Variants in EPHB2 observed in about 807,000 individuals in gnomAD.
EPHB2 encodes ephrin type-B receptor 2.
EPHB2 carries 18 observed loss-of-function variants against 96.4 expected under a neutral mutation model. That is an observed-to-expected ratio of 0.19 (90% CI 0.13 to 0.28). The LOEUF (loss-of-function observed/expected upper bound fraction) is 0.28. Ranked by LOEUF, EPHB2 falls within the 10% of genes least tolerant of loss-of-function variation. The pLI, the probability that EPHB2 is intolerant of heterozygous loss-of-function variation, is 1.00. For synonymous variants in EPHB2, 506 were observed against 534.1 expected, an observed-to-expected ratio of 0.95 and a Z score of 0.72; for missense variants, 989 against 1,355.4, an observed-to-expected ratio of 0.73 and a Z score of 4.25.
intron 3 of EPHB2, among the ~76,000 whole-genome samples, chr1:22,826,677 C>T (rs1283922561): frequency 2.0e-5 from 3 of 149,458 alleles, no homozygotes; most frequent in Non-Finnish European, 3.0e-5. Flanking sequence ...CTCTTCCAGC[C>T]GTGCTGGAGC....
At chr1:22,849,794 T>A (rs1645597771) in intron 3 of EPHB2, among the ~76,000 whole-genome samples, 1 of 152,228 alleles carries the variant, frequency 6.6e-6, no homozygotes, top group Non-Finnish European at 1.5e-5. Context: ...GAATCTCTCT[T>A]GCTCTGTCAC....
intron 1 of EPHB2, among the ~76,000 whole-genome samples, chr1:22,725,381 G>C (rs1012531871): frequency 5.0e-4 from 76 of 152,288 alleles, no homozygotes; most frequent in African/African-American, 1.8e-3. Flanking sequence ...ATAGGTAACA[G>C]GTTGGTTTCA....
chr1:22,717,947 T>C (rs1395106694), intron 1 of EPHB2, among the ~76,000 whole-genome samples: 1 of 152,154 alleles, frequency 6.6e-6, no homozygotes, highest in Non-Finnish European at 1.5e-5. Context: ...TGTTCCTAGC[T>C]CTTGAGATGG....
rs142485118 is a variant in EPHB2 at position 22,788,889 on chromosome 1, G to A, written c.811+3813G>A. Among the ~76,000 whole-genome samples the A allele has an allele frequency of 4.5e-3, 683 of 152,024 alleles. 5 individuals carry two copies. The highest frequency in any genetic ancestry group is 0.016 in the African/African-American group (656 of 41,460). On this transcript the variant is annotated intron_variant, in intron 3 of 15. Coordinates refer to ENST00000374630, the MANE Select transcript of EPHB2 (RefSeq NM_017449.5). ...TGTGCCTCAGCCTCCTGAGTAGCTG[G>A]GATTACAGGCGTGCACCATCATGCC...
chr1:22,878,053 G>C (rs1340284596), intron 5 of EPHB2, among the ~76,000 whole-genome samples: 1 of 152,254 alleles, frequency 6.6e-6, no homozygotes, highest in African/African-American at 2.4e-5. Context: ...ACTCCAGAGA[G>C]AGGTGTGAAC....
At chr1:22,711,358 A>AGCCGCCTCGCGCC (rs1360549200) in intron 1 of EPHB2, among the ~76,000 whole-genome samples, 16 of 147,584 alleles carry the variant, frequency 1.1e-4, no homozygotes, top group Non-Finnish European at 1.7e-4. Flanking sequence ...CGGCTCGGGC[A>AGCCGCCTCGCGCC]GCCGCCTCGC....
intron 1 of EPHB2, among the ~76,000 whole-genome samples, chr1:22,765,818 T>C (rs1644300527): frequency 6.6e-6 from 1 of 152,004 alleles, no homozygotes. Context: ...CTTCACAACC[T>C]TTGTGGGACT....
At chr1:22,902,490 A>G (rs1440727160) in intron 9 of EPHB2, among the ~76,000 whole-genome samples, 3 of 152,234 alleles carry the variant, frequency 2.0e-5, no homozygotes, top group Non-Finnish European at 2.9e-5. Context: ...CCCCAAAATT[A>G]TATGTGAAAT....
intron 14 of EPHB2, among the ~76,000 whole-genome samples, chr1:22,911,143 A>AGAATAAATAAAT (rs1553178181): frequency 7.5e-6 from 1 of 133,778 alleles, no homozygotes; most frequent in Non-Finnish European, 1.5e-5. Context: ...TCCATCTAAA[A>AGAATAAATAAAT]AAATAAATAA....
chr1:22,821,331 A>G (rs1252974359), intron 3 of EPHB2, among the ~76,000 whole-genome samples: 1 of 152,218 alleles, frequency 6.6e-6, no homozygotes, highest in Non-Finnish European at 1.5e-5. Flanking sequence ...TAAAAAGTAG[A>G]GCCTATTGTT....
chr1:22,737,791 G>C (rs538266061), intron 1 of EPHB2, among the ~76,000 whole-genome samples: 1 of 152,274 alleles, frequency 6.6e-6, no homozygotes, highest in South Asian at 2.1e-4. Context: ...ATGAATGAGA[G>C]AATGAATGAA....
chr1:22,770,553 C>G (rs1210748729), intron 1 of EPHB2, among the ~76,000 whole-genome samples: 1 of 152,134 alleles, frequency 6.6e-6, no homozygotes, highest in African/African-American at 2.4e-5. Context: ...CATTCACATG[C>G]AGAGGGATTT....
At chr1:22,766,022 T>G (rs1308171165) in intron 1 of EPHB2, among the ~76,000 whole-genome samples, 1 of 152,148 alleles carries the variant, frequency 6.6e-6, no homozygotes, top group Admixed American at 6.5e-5. Context: ...TCCATCAGGG[T>G]CTTCCCGCCT....
intron 1 of EPHB2, among the ~76,000 whole-genome samples, chr1:22,721,293 G>C (rs1643460073): frequency 6.6e-6 from 1 of 152,162 alleles, no homozygotes; most frequent in African/African-American, 2.4e-5. Context: ...CAGTTGAGGG[G>C]GACCTGGGCA....
Position 22,862,935 on chromosome 1 carries a change from C to G in EPHB2, c.812-102C>G, listed in dbSNP as rs1046820691. The G allele has an allele frequency of 4.4e-5, 64 of 1,458,602 alleles. No homozygotes were observed. The African/African-American group carries it at 8.4e-4, about 19-fold the overall frequency. The allele number at this position is 1,458,602 out of a possible 1,614,324, so 90.4% of individuals were successfully genotyped here. ...TTTTCCAGCAGTGGTGCTGCATGGC[C>G]CCTCCGCGAGGCTGTGTGGCCCCTC... On this transcript the variant is annotated intron_variant, in intron 3 of 15. Transcript: ENST00000374630.
chr1:22,730,384 C>T (rs576274502), intron 1 of EPHB2, among the ~76,000 whole-genome samples: 27 of 152,336 alleles, frequency 1.8e-4, no homozygotes, highest in Admixed American at 7.8e-4. Context: ...GTCTTGACAT[C>T]CCAAGCTCTT....
chr1:22,721,821 G>T (rs962844720), intron 1 of EPHB2, among the ~76,000 whole-genome samples: 1 of 148,380 alleles, frequency 6.7e-6, no homozygotes, highest in South Asian at 2.1e-4. Context: ...TCACCATGTT[G>T]CCCAGGCTGG....
chr1:22,731,273 G>A (rs377327434), intron 1 of EPHB2, among the ~76,000 whole-genome samples: 35 of 152,208 alleles, frequency 2.3e-4, no homozygotes, highest in African/African-American at 6.7e-4. Flanking sequence ...AGCCTGGCCC[G>A]GGCCCAAATC....
In EPHB2 at chr1:22,849,752, C is replaced by T. The variant is rs537426055; in HGVS notation, c.812-13285C>T. Among the ~76,000 whole-genome samples the T allele has an allele frequency of 2.6e-5, 4 of 152,260 alleles. No homozygotes were observed. In the South Asian group the frequency reaches 8.3e-4, roughly 32 times the overall value. On this transcript the variant is annotated intron_variant, in intron 3 of 15. Transcript: ENST00000374630. ...AGAAAATTGTATTGAATGGTATTGC[C>T]TCTTGGATTGAAAAAAAACAACTTC...
Sources: allele counts gnomAD v4.1 joint callset (sites outside exome capture counted in the v4.1 genomes callset), GRCh38; gene constraint gnomAD v4.1.1; transcripts MANE v1.5; gene names NCBI Gene and HGNC (gene_info 2026-07-23, HGNC 2026-07-21).